The following KDM4B variants were observed in gnomAD, a reference collection of about 807,000 sequenced individuals.
KDM4B encodes lysine-specific demethylase 4B.
KDM4B carries 32 observed loss-of-function variants against 125.2 expected under a neutral mutation model. The observed-to-expected ratio is 0.26, with a 90% CI of 0.19 to 0.34. KDM4B has a LOEUF of 0.34. Among genes scored for constraint, KDM4B ranks in the 10% least tolerant of loss-of-function variants. KDM4B has a pLI of 1.00. For synonymous variants in KDM4B, 721 were observed against 677.9 expected (o/e 1.06, Z -0.99); for missense variants, 1,190 against 1,577.7 (o/e 0.75, Z 4.16).
At chr19:4,985,559 A>G (rs959520436) in intron 1 of KDM4B, among the ~76,000 whole-genome samples, 1 of 152,224 alleles carries the variant, frequency 6.6e-6, no homozygotes, top group Non-Finnish European at 1.5e-5. Flanking sequence ...CCTGCTGTGC[A>G]GGCTGGGGCT....
At chr19:4,995,578 C>T (rs190892601) in intron 1 of KDM4B, among the ~76,000 whole-genome samples, 24 of 152,202 alleles carry the variant, frequency 1.6e-4, no homozygotes, top group East Asian at 7.7e-4. Flanking sequence ...TGTGCCTGGC[C>T]GAGGCTTGGC....
chr19:5,107,210 A>G (rs911774998), intron 9 of KDM4B, among the ~76,000 whole-genome samples: 9 of 152,214 alleles, frequency 5.9e-5, no homozygotes, highest in Non-Finnish European at 1.0e-4. Flanking sequence ...TGTGTATCAC[A>G]CCACACGATG....
chr19:5,039,484 G>A (rs1006621810), intron 3 of KDM4B, among the ~76,000 whole-genome samples: 16 of 152,054 alleles, frequency 1.1e-4, no homozygotes, highest in South Asian at 2.1e-4. Context: ...CTCAAAATAC[G>A]AGTCTCTGAG....
At chr19:5,134,870 G>A (rs2039620506) in intron 14 of KDM4B, among the ~76,000 whole-genome samples, 1 of 152,176 alleles carries the variant, frequency 6.6e-6, no homozygotes, top group African/African-American at 2.4e-5. Flanking sequence ...AGACAAACAA[G>A]ACCTGACAGC....
intron 1 of KDM4B, among the ~76,000 whole-genome samples, chr19:4,989,688 T>C (rs1275620946): frequency 1.3e-5 from 2 of 151,920 alleles, no homozygotes; most frequent in African/African-American, 4.8e-5. Context: ...AGTTTCACTT[T>C]GTTGTCCAGG....
intron 21 of KDM4B, among the ~76,000 whole-genome samples, chr19:5,145,683 T>C (rs1018975030): frequency 6.6e-5 from 10 of 152,166 alleles, no homozygotes; most frequent in African/African-American, 2.4e-4. Flanking sequence ...CTCCCAAGCC[T>C]GGTGCCGCAC....
chr19:5,133,762 G>A, intron 13 of KDM4B, 121 bp from the exon 14 acceptor site: 1 of 978,596 alleles, frequency 1.0e-6, no homozygotes, highest in Non-Finnish European at 1.5e-6. Context: ...TATGGGCCAG[G>A]GACCCTGTGG....
chr19:5,056,122 C>G (rs535459616), intron 6 of KDM4B, among the ~76,000 whole-genome samples: 94 of 151,124 alleles, frequency 6.2e-4, no homozygotes, highest in African/African-American at 2.2e-3. Flanking sequence ...ATAGAACGTC[C>G]CCTAATCTGT....
rs576880185 is a variant in KDM4B, at chr19:5,135,321, G to A, written c.2086-18G>A. 3 of 1,571,004 alleles carry A rather than the reference G, an allele frequency of 1.9e-6. No individual in the cohort carries two copies. The African/African-American group carries it at 4.1e-5, about 21-fold the overall frequency. On this transcript the variant is annotated intron_variant, in intron 14 of 22. Transcript: ENST00000159111. ...CCACACATGGCTCTGTCCCCTGAAG[G>A]TCGCCTCTCCCCTACAGGCCCTACA...
chr19:5,094,280 G>C (rs1027784173), intron 9 of KDM4B, among the ~76,000 whole-genome samples: 3 of 152,258 alleles, frequency 2.0e-5, no homozygotes, highest in African/African-American at 4.8e-5. Context: ...GTGAGGCCCC[G>C]GGTGCAGGAT....
At chr19:4,980,045 C>G (rs1172783189) in intron 1 of KDM4B, among the ~76,000 whole-genome samples, 1 of 152,008 alleles carries the variant, frequency 6.6e-6, no homozygotes, top group African/African-American at 2.4e-5. Context: ...GCGGAGGCTG[C>G]AGTGAGCTGA....
chr19:5,111,668 GC>G, intron 10 of KDM4B: 1 of 719,658 alleles, frequency 1.4e-6, no homozygotes, highest in Non-Finnish European at 2.5e-6. Flanking sequence ...CATTCAGGGA[GC>G]CCCTGAGCAT....
chr19:5,077,084 A>T (rs1037564146), intron 7 of KDM4B: 5 of 444,780 alleles, frequency 1.1e-5, no homozygotes, highest in East Asian at 7.7e-5. Context: ...GAGACCAGGC[A>T]TCTGCTCACA....
At chr19:5,089,379 C>T (rs529982002) in intron 9 of KDM4B, among the ~76,000 whole-genome samples, 1 of 152,278 alleles carries the variant, frequency 6.6e-6, no homozygotes, top group South Asian at 2.1e-4. Flanking sequence ...ATATCTGTAG[C>T]CCCGTTTGTT....
chr19:5,126,417 C>T (rs112254377), intron 11 of KDM4B, among the ~76,000 whole-genome samples: 5,852 of 152,234 alleles, frequency 0.038, 171 homozygotes, highest in Non-Finnish European at 0.063. Flanking sequence ...GGGGAGGCCC[C>T]GCCTCCTGGA....
chr19:5,103,507 C>T (rs1056277148), intron 9 of KDM4B, among the ~76,000 whole-genome samples: 1 of 152,152 alleles, frequency 6.6e-6, no homozygotes, highest in East Asian at 1.9e-4. Context: ...GGGCAGGTGA[C>T]GGCCGCACTG....
chr19:5,133,453 C>T (rs2620837), intron 13 of KDM4B, among the ~76,000 whole-genome samples: 37,445 of 152,114 alleles, frequency 0.25, 4,745 homozygotes, highest in East Asian at 0.47. Flanking sequence ...TCACTGCCGA[C>T]GCCCCCACTC....
At chr19:5,116,665 C>G (rs1237424716) in intron 10 of KDM4B, among the ~76,000 whole-genome samples, 4 of 152,146 alleles carry the variant, frequency 2.6e-5, no homozygotes, top group Non-Finnish European at 5.9e-5. Flanking sequence ...AGAGCAATGG[C>G]AGGGAGCTCA....
intron 1 of KDM4B, among the ~76,000 whole-genome samples, chr19:4,980,042 C>T (rs1427026538): frequency 6.6e-6 from 1 of 152,008 alleles, no homozygotes; most frequent in Non-Finnish European, 1.5e-5. Flanking sequence ...GAGGCGGAGG[C>T]TGCAGTGAGC....
Sources: gnomAD v4.1 joint callset for allele counts (sites outside exome capture counted in the v4.1 genomes callset) on GRCh38, gnomAD v4.1.1 for gene constraint, MANE v1.5 for transcripts, NCBI Gene and HGNC (gene_info 2026-07-23, HGNC 2026-07-21) for gene names.